Variants in CDH12 observed in about 807,000 individuals in gnomAD.
CDH12 encodes the protein cadherin-12.
CDH12 carries 41 observed loss-of-function variants against 74.1 expected under a neutral mutation model. The ratio of observed to expected loss-of-function variants is 0.55; its 90% confidence interval spans 0.43 to 0.72. The LOEUF (loss-of-function observed/expected upper bound fraction) is 0.72, where lower values mean the gene tolerates loss of function less well. CDH12 is among the 30% of genes least tolerant of loss of function. The pLI is 0.00. For missense variants in CDH12, 945 were observed against 977.2 expected (o/e 0.97, Z 0.44); for synonymous variants, 399 against 355.0 (o/e 1.12, Z -1.39).
intron 1 of CDH12, among the ~76,000 whole-genome samples, chr5:22,770,113 G>C (rs1018673626): frequency 6.7e-5 from 10 of 149,932 alleles, no homozygotes; most frequent in Non-Finnish European, 1.3e-4. Context: ...ATGTCCCCAG[G>C]CGTGAACTTT....
At chr5:22,719,226 T>C (rs914721369) in intron 1 of CDH12, among the ~76,000 whole-genome samples, 3 of 152,186 alleles carry the variant, frequency 2.0e-5, no homozygotes, top group Non-Finnish European at 4.4e-5. Flanking sequence ...TATAAACTTA[T>C]GCTAAGAGTT....
chr5:22,764,477 T>C (rs4701304), intron 1 of CDH12, among the ~76,000 whole-genome samples: 72,476 of 151,668 alleles, frequency 0.48, 17,433 homozygotes, highest in East Asian at 0.56. Flanking sequence ...AATACAAAAG[T>C]TCTTCCCTAC....
chr5:21,841,524 C>G (rs1367921425), intron 8 of CDH12, among the ~76,000 whole-genome samples: 3 of 148,146 alleles, frequency 2.0e-5, no homozygotes, highest in African/African-American at 7.4e-5. Context: ...ACCCAAAGGA[C>G]TATAAATCAT....
chr5:22,496,165 T>C (rs1241219376), intron 2 of CDH12, among the ~76,000 whole-genome samples: 1 of 152,168 alleles, frequency 6.6e-6, no homozygotes, highest in Non-Finnish European at 1.5e-5. Flanking sequence ...CCATTCAACA[T>C]GAATCCTGTG....
chr5:22,009,022 G>A (rs1737132944), intron 5 of CDH12, among the ~76,000 whole-genome samples: 1 of 152,204 alleles, frequency 6.6e-6, no homozygotes, highest in Non-Finnish European at 1.5e-5. Flanking sequence ...CCTGGACTAT[G>A]TGGCCATAGT....
At chr5:22,071,600 T>A (rs779716240) in intron 5 of CDH12, among the ~76,000 whole-genome samples, 4 of 152,154 alleles carry the variant, frequency 2.6e-5, no homozygotes, top group Non-Finnish European at 5.9e-5. Context: ...TCATCTGCTT[T>A]GAAATGAAAA....
Position 21,901,986 on chromosome 5 carries a change from T to A in CDH12, c.527-47196A>T, listed in dbSNP as rs190527775. Among the ~76,000 whole-genome samples, 3 of 152,266 alleles carry A rather than the reference T, an allele frequency of 2.0e-5. No individual in the cohort carries two copies. The East Asian group carries it at 5.8e-4, about 29-fold the overall frequency. On this transcript the variant is annotated intron_variant, in intron 6 of 14. Coordinates refer to ENST00000382254, the MANE Select transcript of CDH12 (RefSeq NM_004061.5). ...GCCACTGTACGTGCAGAGATTACAA[T>A]AATAATCGTCATGTACTGCTCACTT...
intron 1 of CDH12, among the ~76,000 whole-genome samples, chr5:22,823,000 T>TAAGAAAAGTCCAACA (rs1749791437): frequency 6.6e-6 from 1 of 151,964 alleles, no homozygotes; most frequent in South Asian, 2.1e-4. Flanking sequence ...CCAACAAGGA[T>TAAGAAAAGTCCAACA]AGACTGGATT....
intron 1 of CDH12, among the ~76,000 whole-genome samples, chr5:22,664,297 C>T (rs1160922019): frequency 6.6e-6 from 1 of 152,166 alleles, no homozygotes; most frequent in Non-Finnish European, 1.5e-5. Context: ...GTTTAAATGA[C>T]TCACATTCAG....
At chr5:22,085,097 G>C (rs1742977746) in intron 4 of CDH12, among the ~76,000 whole-genome samples, 1 of 152,072 alleles carries the variant, frequency 6.6e-6, no homozygotes, top group South Asian at 2.1e-4. Context: ...ATCTTTTGTA[G>C]AGCCAGAGTG....
chr5:22,112,367 C>A (rs1744865751), intron 4 of CDH12, among the ~76,000 whole-genome samples: 1 of 152,066 alleles, frequency 6.6e-6, no homozygotes, highest in South Asian at 2.1e-4. Flanking sequence ...TATGTGTATA[C>A]ATACGCACAC....
chr5:22,372,837 G>A (rs1741354729), intron 3 of CDH12, among the ~76,000 whole-genome samples: 1 of 152,160 alleles, frequency 6.6e-6, no homozygotes, highest in Non-Finnish European at 1.5e-5. Flanking sequence ...TGCTGCAGGA[G>A]TAAGAGGAGA....
At chr5:22,827,106 G>C (rs575931030) in intron 1 of CDH12, among the ~76,000 whole-genome samples, 1 of 152,308 alleles carries the variant, frequency 6.6e-6, no homozygotes, top group East Asian at 1.9e-4. Flanking sequence ...GAGTCTCCCT[G>C]TGTGTGCAGC....
chr5:22,416,621 G>A (rs1329871933), intron 2 of CDH12, among the ~76,000 whole-genome samples: 1 of 152,086 alleles, frequency 6.6e-6, no homozygotes, highest in African/African-American at 2.4e-5. Context: ...TTGTCAGTGA[G>A]TGGTATAACC....
intron 4 of CDH12, among the ~76,000 whole-genome samples, chr5:22,136,800 T>TCAGATAGA (rs1173207256): frequency 1.3e-5 from 2 of 151,394 alleles, no homozygotes; most frequent in Non-Finnish European, 2.9e-5. Context: ...GATACCGTAA[T>TCAGATAGA]CAGATAGACA....
chr5:21,841,865 G>T (rs1343248355), intron 8 of CDH12, among the ~76,000 whole-genome samples: 2 of 121,772 alleles, frequency 1.6e-5, no homozygotes, highest in African/African-American at 6.1e-5. Flanking sequence ...TTGTGGGGTG[G>T]GGGGAGGGGG....
At chr5:22,467,118 C>A (rs899276262) in intron 2 of CDH12, among the ~76,000 whole-genome samples, 4 of 152,084 alleles carry the variant, frequency 2.6e-5, no homozygotes, top group South Asian at 4.1e-4. Context: ...ATAGCCCAGG[C>A]TCAGGAGAGT....
intron 2 of CDH12, among the ~76,000 whole-genome samples, chr5:22,502,690 G>T (rs1472476146): frequency 4.0e-5 from 6 of 151,230 alleles, no homozygotes; most frequent in Non-Finnish European, 8.9e-5. Context: ...TCCACATCAG[G>T]TTATTCTTCT....
chr5:22,207,834 T>C (rs1255594938), intron 4 of CDH12, among the ~76,000 whole-genome samples: 1 of 152,218 alleles, frequency 6.6e-6, no homozygotes, highest in East Asian at 1.9e-4. Context: ...CACGTGTTCA[T>C]TGTTGCTAAG....
Sources: gnomAD v4.1 joint callset for allele counts (sites outside exome capture counted in the v4.1 genomes callset) on GRCh38, gnomAD v4.1.1 for gene constraint, MANE v1.5 for transcripts, NCBI Gene and HGNC (gene_info 2026-07-23, HGNC 2026-07-21) for gene names.